ADAMTS18: variants seen among roughly 807,000 people sequenced by gnomAD.
The protein encoded by ADAMTS18 is A disintegrin and metalloproteinase with thrombospondin motifs 18.
In ADAMTS18, 157 loss-of-function variants were observed where a neutral mutation model predicts 165.9. The observed-to-expected ratio is 0.95, with a 90% CI of 0.83 to 1.08. The LOEUF (loss-of-function observed/expected upper bound fraction) is 1.08. ADAMTS18 is among the 50% of genes least tolerant of loss of function. The pLI is 0.00. For missense variants in ADAMTS18, 2,040 were observed against 1,534.0 expected (o/e 1.33, Z -5.51); for synonymous variants, 782 against 578.2 (o/e 1.35, Z -5.06).
intron 3 of ADAMTS18, among the ~76,000 whole-genome samples, chr16:77,408,711 G>A (rs1008392441): frequency 1.3e-5 from 2 of 152,150 alleles, no homozygotes; most frequent in East Asian, 3.9e-4. Flanking sequence ...AGACAATTTG[G>A]AACTGAGAGA....
At chr16:77,392,926 G>A (rs1340284771) in intron 3 of ADAMTS18, among the ~76,000 whole-genome samples, 5 of 152,116 alleles carry the variant, frequency 3.3e-5, no homozygotes, top group Non-Finnish European at 5.9e-5. Flanking sequence ...GCTGGCAGAG[G>A]GAACTTTTAG....
chr16:77,328,010 C>A (rs1402447815), intron 12 of ADAMTS18, among the ~76,000 whole-genome samples: 3 of 152,116 alleles, frequency 2.0e-5, no homozygotes, highest in Non-Finnish European at 4.4e-5. Context: ...CTCTTGTTTT[C>A]ATCAGCATAG....
intron 20 of ADAMTS18, 73 bp from the exon 21 acceptor site, chr16:77,291,551 A>G (rs1567455967): frequency 6.9e-7 from 1 of 1,450,358 alleles, no homozygotes; most frequent in South Asian, 1.1e-5. Context: ...GCAGTTTGAC[A>G]TAAGGTTGCA....
chr16:77,429,182 A>G (rs1462611934), intron 3 of ADAMTS18, among the ~76,000 whole-genome samples: 2 of 152,218 alleles, frequency 1.3e-5, no homozygotes, highest in South Asian at 2.1e-4. Flanking sequence ...CATGGAATCA[A>G]CCTAAATGCC....
At chr16:77,370,297 C>T (rs1185627822) in intron 3 of ADAMTS18, among the ~76,000 whole-genome samples, 1 of 152,126 alleles carries the variant, frequency 6.6e-6, no homozygotes, top group Non-Finnish European at 1.5e-5. Flanking sequence ...GCCAAATTGT[C>T]CCTGTTTTCA....
intron 12 of ADAMTS18, among the ~76,000 whole-genome samples, chr16:77,327,737 T>C (rs949617710): frequency 6.6e-6 from 1 of 152,174 alleles, no homozygotes; most frequent in African/African-American, 2.4e-5. Flanking sequence ...TACATGCACA[T>C]ACCCTATCTC....
chr16:77,394,089 G>A (rs774114183), intron 3 of ADAMTS18, among the ~76,000 whole-genome samples: 2 of 152,210 alleles, frequency 1.3e-5, no homozygotes, highest in African/African-American at 2.4e-5. Flanking sequence ...TCATTATAAA[G>A]ATTGATCCCC....
intron 3 of ADAMTS18, among the ~76,000 whole-genome samples, chr16:77,417,477 G>C (rs1400432740): frequency 6.6e-6 from 1 of 152,198 alleles, no homozygotes; most frequent in Admixed American, 6.5e-5. Flanking sequence ...AAATGCCAGT[G>C]TACTACTCAC....
Position 77,370,806 on chromosome 16 carries a change from T to C in ADAMTS18, c.496-3083A>G, listed in dbSNP as rs567747600. On this transcript the variant is annotated intron_variant, in intron 3 of 22. Transcript: ENST00000282849. ...AATAGCTACGATATATATATATATA[T>C]ACATATACACACACACACAAATCAA... Among the ~76,000 whole-genome samples, 175 of 151,716 alleles carry C rather than the reference T, an allele frequency of 1.2e-3. 1 individual carries two copies. Among genetic ancestry groups the C allele is most frequent in the African/African-American group, 3.7e-3 (153 of 41,272 alleles).
chr16:77,341,762 T>C lies in ADAMTS18; in HGVS notation c.1652A>G (p.His551Arg), dbSNP rs2056401185. The C allele has an allele frequency of 6.2e-7, 1 of 1,613,482 alleles. No homozygotes were observed. ...CKSLWCHRVG[H>R]RCETKFMPAA... Reference sequence around the variant, plus strand: ...GGGCATAAACTTGGTCTCACACCTGTGGCCTACTCGGTGGCACCAAAGTGA... The same window carrying C: ...GGGCATAAACTTGGTCTCACACCTGCGGCCTACTCGGTGGCACCAAAGTGA... The change falls in exon 11 of 23, where the codon CAC (histidine) becomes CGC (arginine). Residue 551 changes from histidine to arginine, a missense_variant. By Grantham distance (29) the His-to-Arg change is conservative. Coordinates refer to ENST00000282849, the MANE Select transcript of ADAMTS18 (RefSeq NM_199355.4).
intron 3 of ADAMTS18, among the ~76,000 whole-genome samples, chr16:77,409,134 C>A (rs2057429476): frequency 6.6e-6 from 1 of 152,060 alleles, no homozygotes; most frequent in Admixed American, 6.6e-5. Context: ...ACCGGAGGTA[C>A]TGGAACGTAT....
chr16:77,317,090 T>A (rs1399099240), intron 16 of ADAMTS18, among the ~76,000 whole-genome samples: 2 of 152,180 alleles, frequency 1.3e-5, no homozygotes, highest in Non-Finnish European at 2.9e-5. Flanking sequence ...TCACCAACTC[T>A]CTAATTCAAA....
chr16:77,361,302 T>C (rs1349662667), intron 7 of ADAMTS18, among the ~76,000 whole-genome samples: 1 of 152,128 alleles, frequency 6.6e-6, no homozygotes, highest in African/African-American at 2.4e-5. Flanking sequence ...TTTTAAAAAA[T>C]GTTGAATTCC....
chr16:77,388,233 G>A (rs1308055382), intron 3 of ADAMTS18, among the ~76,000 whole-genome samples: 2 of 152,182 alleles, frequency 1.3e-5, no homozygotes, highest in Non-Finnish European at 2.9e-5. Context: ...CTGAGTCGCT[G>A]AGATTATAGG....
At chr16:77,288,176 C>G (rs969847645) in intron 22 of ADAMTS18, among the ~76,000 whole-genome samples, 2 of 152,122 alleles carry the variant, frequency 1.3e-5, no homozygotes, top group Non-Finnish European at 2.9e-5. Flanking sequence ...TGCATGTTGA[C>G]TTTCCCCATC....
chr16:77,303,999 C>T (rs926360692), intron 16 of ADAMTS18, among the ~76,000 whole-genome samples: 2 of 152,162 alleles, frequency 1.3e-5, no homozygotes, highest in Non-Finnish European at 2.9e-5. Context: ...AACTGCCCTC[C>T]AGCCTGGGCG....
At chr16:77,406,659 C>A (rs542342248) in intron 3 of ADAMTS18, among the ~76,000 whole-genome samples, 7 of 152,052 alleles carry the variant, frequency 4.6e-5, no homozygotes, top group African/African-American at 1.7e-4. Flanking sequence ...CACACGCACT[C>A]ATATGTTCAT....
At chr16:77,386,732 G>C (rs1428174445) in intron 3 of ADAMTS18, among the ~76,000 whole-genome samples, 3 of 152,072 alleles carry the variant, frequency 2.0e-5, no homozygotes, top group Non-Finnish European at 2.9e-5. Flanking sequence ...TTCTCTTATA[G>C]CTGTCAGATC....
intron 16 of ADAMTS18, among the ~76,000 whole-genome samples, chr16:77,319,257 A>C (rs1392174902): frequency 6.6e-6 from 1 of 152,114 alleles, no homozygotes; most frequent in Non-Finnish European, 1.5e-5. Flanking sequence ...AGCATAATAT[A>C]AAAAGTATTC....
Sources: gnomAD v4.1 joint callset for allele counts (sites outside exome capture counted in the v4.1 genomes callset) on GRCh38, gnomAD v4.1.1 for gene constraint, MANE v1.5 for transcripts, NCBI Gene and HGNC (gene_info 2026-07-23, HGNC 2026-07-21) for gene names.